The following MAP3K19 variants were observed in gnomAD, a reference collection of about 807,000 sequenced individuals.
The protein encoded by MAP3K19 is mitogen-activated protein kinase kinase kinase 19, also known as SPS1/STE20-related protein kinase YSK4.
Under a neutral mutation model 114.4 loss-of-function variants are expected in MAP3K19, and 91 were observed. The ratio of observed to expected loss-of-function variants is 0.80; its 90% CI spans 0.67 to 0.95. The LOEUF is 0.95. Among genes scored for constraint, MAP3K19 ranks in the 40% least tolerant of loss-of-function variants. The probability of loss-of-function intolerance (pLI) is 0.00; values close to 1 mark genes in which losing one functional copy is unlikely to be tolerated. For missense variants in MAP3K19, 1,471 were observed against 1,573.2 expected, an observed-to-expected ratio of 0.94 and a Z score of 1.10; for synonymous variants, 518 against 530.5, an observed-to-expected ratio of 0.98 and a Z score of 0.32.
intron 9 of MAP3K19, among the ~76,000 whole-genome samples, chr2:134,990,534 T>G (rs947809434): frequency 2.0e-5 from 3 of 151,896 alleles, no homozygotes; most frequent in African/African-American, 7.3e-5. Context: ...TGGAGTCCGG[T>G]GGCATGATGT....
At chr2:135,039,419 CA>C (rs56987983) in intron 2 of MAP3K19, among the ~76,000 whole-genome samples, 176 of 140,422 alleles carry the variant, frequency 1.3e-3, no homozygotes, top group Middle Eastern at 3.6e-3. Flanking sequence ...CCCATGTCTC[CA>C]AAAAAAAAAA....
chr2:135,045,190 C>T (rs751460791), intron 1 of MAP3K19, among the ~76,000 whole-genome samples: 3 of 152,180 alleles, frequency 2.0e-5, no homozygotes, highest in Non-Finnish European at 4.4e-5. Context: ...ACACTCCCAC[C>T]AGTAATGCCT....
At chr2:134,995,273 G>A (rs954023654) in intron 8 of MAP3K19, among the ~76,000 whole-genome samples, 11 of 146,536 alleles carry the variant, frequency 7.5e-5, no homozygotes, top group African/African-American at 2.3e-4. Flanking sequence ...CTGAGATCGC[G>A]CCATTGCACT....
At chr2:135,000,051 G>A (rs1313548180) in intron 6 of MAP3K19, 36 bp from the exon 7 acceptor site, 2 of 1,370,248 alleles carry the variant, frequency 1.5e-6, no homozygotes, top group Non-Finnish European at 2.1e-6. Context: ...AAGGAAGAAA[G>A]TAATGAATTC....
chr2:135,031,684 G>A (rs772198833), intron 2 of MAP3K19, among the ~76,000 whole-genome samples: 1 of 152,194 alleles, frequency 6.6e-6, no homozygotes, highest in Non-Finnish European at 1.5e-5. Flanking sequence ...CCAGGGAGAG[G>A]ACTACCACAG....
At chr2:135,005,935 C>A (rs112087929) in intron 5 of MAP3K19, among the ~76,000 whole-genome samples, 171 of 152,264 alleles carry the variant, frequency 1.1e-3, no homozygotes, top group African/African-American at 3.9e-3. Flanking sequence ...CCTGGGGCAT[C>A]ATTTACATAT....
intron 2 of MAP3K19, among the ~76,000 whole-genome samples, chr2:135,036,409 ATGAATGAG>A (rs960942338): frequency 6.6e-6 from 1 of 152,214 alleles, no homozygotes; most frequent in Admixed American, 6.5e-5. Flanking sequence ...TAAATATTTT[ATGAATGAG>A]TGAATGAGTA....
chr2:134,965,649 C>G (rs1440619428), intron 12 of MAP3K19, among the ~76,000 whole-genome samples: 2 of 152,100 alleles, frequency 1.3e-5, no homozygotes, highest in African/African-American at 4.8e-5. Flanking sequence ...CTTTAACAAC[C>G]AGGTAACTTC....
chr2:135,012,288 T>C (rs973580033), intron 5 of MAP3K19, among the ~76,000 whole-genome samples: 2 of 146,366 alleles, frequency 1.4e-5, no homozygotes, highest in Non-Finnish European at 3.0e-5. Flanking sequence ...CAGAAATGTC[T>C]GCAAACATTG....
Position 134,990,649 on chromosome 2 carries a change from T to C in MAP3K19, c.618+888A>G, listed in dbSNP as rs189079296. ...CCGCCACCATGCCCAGCTAATGTTT[T>C]GTATTTTAGTAGAGACGGAGTTTCA... On this transcript the variant is annotated intron_variant, in intron 9 of 12. Transcript: ENST00000392915. 3.3e-5 allele frequency among the ~76,000 whole-genome samples: 5 copies of C among 152,116 alleles called. No individual in the cohort carries two copies. The East Asian group carries it at 9.7e-4, about 30-fold the overall frequency.
chr2:135,007,916 C>A (rs1202683993), intron 5 of MAP3K19, among the ~76,000 whole-genome samples: 1 of 152,138 alleles, frequency 6.6e-6, no homozygotes, highest in African/African-American at 2.4e-5. Flanking sequence ...AACCTGACAA[C>A]CAAAGAGCAA....
At chr2:135,046,709 A>G (rs957402844) in intron 1 of MAP3K19, among the ~76,000 whole-genome samples, 1 of 152,280 alleles carries the variant, frequency 6.6e-6, no homozygotes, top group African/African-American at 2.4e-5. Context: ...TTGTAAAACC[A>G]AAACCTTTTG....
rs936827028 is a variant in MAP3K19, at chr2:135,031,663, G to A, written c.-283-1163C>T. Among the ~76,000 whole-genome samples, 9 of 152,312 alleles carry A rather than the reference G, an allele frequency of 5.9e-5. No individual in the cohort carries two copies. The East Asian group carries it at 1.5e-3, about 26-fold the overall frequency. ...AAATAGATTGATGTGGGGAAGAAGG[G>A]AAGTGGGGAACCAGGGAGAGGACTA... On this transcript the variant is annotated intron_variant, in intron 2 of 12. Coordinates refer to ENST00000392915, the MANE Select transcript of MAP3K19 (RefSeq NM_025052.5).
In MAP3K19 at chr2:134,964,562, C is replaced by A. The variant is rs1441703329; in HGVS notation, c.*288G>T. On this transcript the variant is annotated 3_prime_UTR_variant, in exon 13 of 13. Transcript: ENST00000392915. ...ACAGGCCAAAAATAAAAAGAAATGT[C>A]ATATAAAACAATAGAGAATGTAGTT... 9.2e-6 allele frequency: 2 copies of A among 218,444 alleles called. No homozygotes were observed. The highest frequency in any genetic ancestry group is 2.3e-5 in the African/African-American group (1 of 43,872). 13.5% of individuals were successfully genotyped at this position (218,444 alleles called of 1,614,324 possible). A position where few individuals can be genotyped will look rare whatever the true frequency, so the allele number is the denominator to read the frequency against.
chr2:135,015,402 A>C (rs1002519691), intron 5 of MAP3K19, among the ~76,000 whole-genome samples: 3 of 152,022 alleles, frequency 2.0e-5, no homozygotes, highest in African/African-American at 7.3e-5. Context: ...TCTGTTCCTA[A>C]TTTGTGGGAG....
In MAP3K19 at chr2:134,985,787, T is replaced by G; in HGVS notation, c.3072+13A>C. ...TCCCACCCCAATGAATCTTGGATTC[T>G]AATTATACCAACCTGTATTTTGACT... On this transcript the variant is annotated intron_variant, in intron 10 of 12. Transcript: ENST00000392915. 6.3e-7 allele frequency: 1 copy of G among 1,575,308 alleles called. No homozygotes were observed. The highest frequency in any genetic ancestry group is 8.6e-7 in the Non-Finnish European group (1 of 1,163,480).
At chr2:135,019,849 C>T (rs910095460) in intron 5 of MAP3K19, among the ~76,000 whole-genome samples, 3 of 152,018 alleles carry the variant, frequency 2.0e-5, no homozygotes, top group African/African-American at 7.2e-5. Context: ...TCTCATTCCA[C>T]GGTTTTCTAT....
Position 134,987,058 on chromosome 2 carries a change from C to T in MAP3K19, c.1814G>A (p.Arg605Gln), listed in dbSNP as rs200920212. ...TGATTGCTTTTTAGGTTTCTGAGTC[C>T]GGTGAGTTGATTGCTTCTTTGCTAT... ...PQIAKKQSTH[R>Q]TQKPKKQSFP... Residue 605 changes from arginine (R) to glutamine (Q), a missense_variant, in exon 10 of 13, where the codon CGG becomes CAG. Transcript: ENST00000392915. 102 of 1,612,534 alleles carry T rather than the reference C, an allele frequency of 6.3e-5. No individual in the cohort carries two copies. The highest frequency in any genetic ancestry group is 4.3e-4 in the African/African-American group (32 of 74,890).
chr2:135,004,546 G>C (rs1368470171), intron 6 of MAP3K19, among the ~76,000 whole-genome samples: 1 of 152,184 alleles, frequency 6.6e-6, no homozygotes, highest in Non-Finnish European at 1.5e-5. Flanking sequence ...TCCCTGGAGT[G>C]CTAGAAATAG....
Sources: allele counts gnomAD v4.1 joint callset (sites outside exome capture counted in the v4.1 genomes callset), GRCh38; gene constraint gnomAD v4.1.1; transcripts MANE v1.5; gene names NCBI Gene and HGNC (gene_info 2026-07-23, HGNC 2026-07-21).